Variants in GFPT1 observed in about 807,000 individuals in gnomAD.
GFPT1 encodes the protein glutamine--fructose-6-phosphate transaminase 1.
GFPT1 carries 40 observed loss-of-function variants against 92.0 expected under a neutral mutation model. The observed-to-expected ratio is 0.43, with a 90% CI of 0.34 to 0.57. The LOEUF (loss-of-function observed/expected upper bound fraction) is 0.57. Among genes scored for constraint, GFPT1 ranks in the 20% least tolerant of loss-of-function variants. GFPT1 has a pLI of 0.02. For missense variants in GFPT1, 448 were observed against 869.1 expected (o/e 0.52, Z 6.09); for synonymous variants, 269 against 280.6 (o/e 0.96, Z 0.41).
At chr2:69,328,154 G>C in intron 18 of GFPT1, 117 bp downstream of exon 18, 1 of 808,062 alleles carries the variant, frequency 1.2e-6, no homozygotes. Flanking sequence ...AACCTCAAAG[G>C]CTGTATTCCA....
intron 1 of GFPT1, among the ~76,000 whole-genome samples, chr2:69,378,997 C>T (rs1306911097): frequency 6.6e-6 from 1 of 152,116 alleles, no homozygotes; most frequent in Admixed American, 6.6e-5. Context: ...TCTGTAATCC[C>T]AGCACTGTGG....
chr2:69,344,966 G>A (rs1026357347), intron 12 of GFPT1, among the ~76,000 whole-genome samples: 5 of 151,988 alleles, frequency 3.3e-5, no homozygotes, highest in Middle Eastern at 3.2e-3. Flanking sequence ...ACTTCCCAAA[G>A]TTTGTCTCAT....
rs1670500941 is a variant in GFPT1 at position 69,325,276 on chromosome 2, T to C, written c.*913A>G. 1.3e-5 allele frequency: 2 copies of C among 152,142 alleles called. No homozygotes were observed. The highest frequency in any genetic ancestry group is 6.5e-5 in the Admixed American group (1 of 15,282). The allele number at this position is 152,142 out of a possible 1,614,324, so 9.4% of individuals were successfully genotyped here. ...ACAAAGTTGAAGAGAATACTGAATATATCAATATTAATTTAATAGCAGCTC... is the reference window on the plus strand; with the variant it reads ...ACAAAGTTGAAGAGAATACTGAATACATCAATATTAATTTAATAGCAGCTC... On this transcript the variant is annotated 3_prime_UTR_variant, in exon 20 of 20. Transcript: ENST00000357308.
Position 69,338,440 on chromosome 2 carries a change from C to G in GFPT1, c.1324+5G>C, listed in dbSNP as rs1225684325. ...CTTCCTTTTAAGTCTTTAAAATTAA[C>G]ACACCTGATTGACTAAGGAAAAAGC... On this transcript the variant is annotated splice_donor_5th_base_variant and intron_variant, in intron 14 of 19. Transcript: ENST00000357308. 6.2e-7 allele frequency: 1 copy of G among 1,610,742 alleles called. No individual in the cohort carries two copies. The highest frequency in any genetic ancestry group is 8.5e-7 in the Non-Finnish European group (1 of 1,177,060).
At chr2:69,350,207 T>C (rs1244828468) in intron 9 of GFPT1, 24 bp from the exon 10 acceptor site, 46 of 1,433,906 alleles carry the variant, frequency 3.2e-5, no homozygotes, top group African/African-American at 5.6e-5. Context: ...TTAACATGAA[T>C]TGGCAAACAT....
intron 4 of GFPT1, among the ~76,000 whole-genome samples, chr2:69,362,646 A>C (rs1007011162): frequency 2.6e-5 from 4 of 151,768 alleles, no homozygotes; most frequent in African/African-American, 9.7e-5. Context: ...AAATACAAAA[A>C]ATTACCCGGG....
intron 12 of GFPT1, 140 bp from the exon 13 acceptor site, chr2:69,342,389 T>C (rs1291255803): frequency 1.5e-6 from 1 of 661,618 alleles, no homozygotes; most frequent in African/African-American, 1.8e-5. Flanking sequence ...GAAAGCACAG[T>C]TCTCTGTAAT....
chr2:69,387,045 C>A lies in GFPT1; in HGVS notation c.7+20G>T, dbSNP rs373299682. On this transcript the variant is annotated intron_variant, in intron 1 of 19. Coordinates refer to ENST00000357308, the MANE Select transcript of GFPT1 (RefSeq NM_001244710.2). ...CCCAGCGCCACCCGGCAACACGCCC[C>A]CCGCTCCCGGCCCCCTTACCACACA... The A allele has an allele frequency of 7.6e-4, 1,166 of 1,526,038 alleles. 3 individuals carry two copies. The highest frequency in any genetic ancestry group is 1.5e-3 in the Admixed American group (76 of 51,664). The allele number at this position is 1,526,038 out of a possible 1,614,324, so 94.5% of individuals were successfully genotyped here.
chr2:69,374,618 GCTTATAAAGCTGGCTA>G (rs1671830797), intron 1 of GFPT1, among the ~76,000 whole-genome samples: 1 of 152,120 alleles, frequency 6.6e-6, no homozygotes, highest in Admixed American at 6.6e-5. Flanking sequence ...TGGCAAAGAA[GCTTATAAAGCTGGCTA>G]CTTATTTTCC....
rs1671950642 is a variant in GFPT1, at chr2:69,379,291, G to C, written c.8-5178C>G. ...ACCTGTAATCCCAGCACTTTCGTAGGCCAAGGCGGGAGGATCATGGGCAGG... is the reference window on the plus strand; with the variant it reads ...ACCTGTAATCCCAGCACTTTCGTAGCCCAAGGCGGGAGGATCATGGGCAGG... On this transcript the variant is annotated intron_variant, in intron 1 of 19. Coordinates refer to ENST00000357308, the MANE Select transcript of GFPT1 (RefSeq NM_001244710.2). Among the ~76,000 whole-genome samples the C allele has an allele frequency of 3.3e-5, 5 of 152,036 alleles. No homozygotes were observed. In the South Asian group the frequency reaches 1.0e-3, roughly 31 times the overall value.
At chr2:69,373,356 C>A (rs1201891479) in intron 2 of GFPT1, among the ~76,000 whole-genome samples, 1 of 152,152 alleles carries the variant, frequency 6.6e-6, no homozygotes, top group Non-Finnish European at 1.5e-5. Flanking sequence ...CAGTGGCTTG[C>A]CTGTAATCCC....
In GFPT1 at chr2:69,338,584, T is replaced by A; in HGVS notation, c.1204-19A>T. On this transcript the variant is annotated intron_variant, in intron 13 of 19. Transcript: ENST00000357308. ...GACGTGTCTGCAGAGAAAATATGACTTGGTCACAGAACTTTCCTTCAAATA... is the reference window on the plus strand; with the variant it reads ...GACGTGTCTGCAGAGAAAATATGACATGGTCACAGAACTTTCCTTCAAATA... The A allele has an allele frequency of 6.2e-7, 1 of 1,613,594 alleles. No individual in the cohort carries two copies. Among genetic ancestry groups the A allele is most frequent in the Non-Finnish European group, 8.5e-7 (1 of 1,179,506 alleles).
At chr2:69,384,071 A>G (rs993031387) in intron 1 of GFPT1, among the ~76,000 whole-genome samples, 6 of 152,236 alleles carry the variant, frequency 3.9e-5, no homozygotes, top group Non-Finnish European at 7.3e-5. Flanking sequence ...AATAAAAAGG[A>G]CAAAGTATAT....
chr2:69,332,674 A>C (rs1670693387), intron 15 of GFPT1, among the ~76,000 whole-genome samples: 1 of 151,804 alleles, frequency 6.6e-6, no homozygotes, highest in South Asian at 2.1e-4. Flanking sequence ...AAACATTTTT[A>C]TGTTTCAGAT....
chr2:69,349,429 T>C (rs753546761), intron 10 of GFPT1, among the ~76,000 whole-genome samples: 29 of 152,228 alleles, frequency 1.9e-4, no homozygotes, highest in Admixed American at 7.9e-4. Flanking sequence ...GTTTTCCCAC[T>C]GAGATAATAT....
At chr2:69,379,639 G>GTGA (rs986099799) in intron 1 of GFPT1, among the ~76,000 whole-genome samples, 111 of 152,118 alleles carry the variant, frequency 7.3e-4, no homozygotes, top group Admixed American at 1.8e-3. Context: ...CTGGACTCAA[G>GTGA]TGATCCCCTC....
At chr2:69,357,262 TAGTA>T (rs1671360078) in intron 6 of GFPT1, among the ~76,000 whole-genome samples, 2 of 118,238 alleles carry the variant, frequency 1.7e-5, no homozygotes, top group African/African-American at 7.3e-5. Context: ...TTCTCTGCCC[TAGTA>T]ATTGTACACC....
chr2:69,348,439 ACT>A lies in GFPT1; in HGVS notation c.846-107_846-106del. ...ACCAAATTTCAATATAAACTCTATC[ACT>A]CTGCAGTATCTCAGAGAATTTTCTG... On this transcript the variant is annotated intron_variant, in intron 10 of 19. Coordinates refer to ENST00000357308, the MANE Select transcript of GFPT1 (RefSeq NM_001244710.2). 7 of 903,112 alleles carry A rather than the reference ACT, an allele frequency of 7.8e-6. No homozygotes were observed. The South Asian group carries it at 8.0e-5, about 10-fold the overall frequency. The allele number at this position is 903,112 out of a possible 1,614,324, so 55.9% of individuals were successfully genotyped here.
At chr2:69,346,045 A>G in intron 11 of GFPT1, 46 bp from the exon 12 acceptor site, 1 of 1,070,080 alleles carries the variant, frequency 9.3e-7, no homozygotes, top group East Asian at 2.4e-5. Context: ...CAAATCAAAT[A>G]AAAGAATTTG....
Sources: allele counts gnomAD v4.1 joint callset (sites outside exome capture counted in the v4.1 genomes callset), GRCh38; gene constraint gnomAD v4.1.1; transcripts MANE v1.5; gene names NCBI Gene and HGNC (gene_info 2026-07-23, HGNC 2026-07-21).